SGCD: variants seen among roughly 807,000 people sequenced by gnomAD.
The protein encoded by SGCD is sarcoglycan delta, also known as delta-sarcoglycan.
Under a neutral mutation model 36.6 loss-of-function variants are expected in SGCD, and 18 were observed. The ratio of observed to expected loss-of-function variants is 0.49; its 90% CI spans 0.34 to 0.73. The LOEUF (loss-of-function observed/expected upper bound fraction) is 0.73. Among genes scored for constraint, SGCD ranks in the 30% least tolerant of loss-of-function variants. SGCD has a pLI of 0.01. For missense variants in SGCD, 387 were observed against 346.7 expected (o/e 1.12, Z -0.92); for synonymous variants, 133 against 130.6 (o/e 1.02, Z -0.12).
intron 1 of SGCD, among the ~76,000 whole-genome samples, chr5:156,068,810 C>T (rs1214768196): frequency 2.0e-5 from 3 of 151,892 alleles, no homozygotes; most frequent in South Asian, 2.1e-4. Context: ...TTAATGATTG[C>T]CATTCTAACT....
chr5:156,159,482 A>C (rs1484880620), intron 3 of SGCD, among the ~76,000 whole-genome samples: 1 of 151,622 alleles, frequency 6.6e-6, no homozygotes, highest in African/African-American at 2.4e-5. Context: ...CATAAAAAAA[A>C]CAAAACAAAA....
At chr5:156,614,940 A>G (rs1340878996) in intron 6 of SGCD, among the ~76,000 whole-genome samples, 1 of 152,156 alleles carries the variant, frequency 6.6e-6, no homozygotes, top group Non-Finnish European at 1.5e-5. Flanking sequence ...CTTTTTTCAC[A>G]TGAACGAAAA....
At chr5:156,588,011 G>A (rs886792400) in intron 4 of SGCD, among the ~76,000 whole-genome samples, 2 of 151,436 alleles carry the variant, frequency 1.3e-5, no homozygotes, top group African/African-American at 4.9e-5. Context: ...AAAGCATTGA[G>A]CTATTATTGA....
At chr5:156,060,164 T>A (rs1378564443) in intron 1 of SGCD, among the ~76,000 whole-genome samples, 1 of 146,706 alleles carries the variant, frequency 6.8e-6, no homozygotes, top group African/African-American at 2.5e-5. Flanking sequence ...AATTGCCTAC[T>A]TCATTAACAT....
At chr5:156,560,598 G>A (rs1759227667) in intron 4 of SGCD, among the ~76,000 whole-genome samples, 1 of 152,134 alleles carries the variant, frequency 6.6e-6, no homozygotes, top group African/African-American at 2.4e-5. Flanking sequence ...AGATTCAGAT[G>A]GAATTTACAA....
intron 3 of SGCD, among the ~76,000 whole-genome samples, chr5:156,244,477 T>G (rs1765391798): frequency 6.6e-6 from 1 of 152,194 alleles, no homozygotes; most frequent in South Asian, 2.1e-4. Flanking sequence ...AACAGAATGT[T>G]CTATAGGAAA....
chr5:156,394,674 CGTAA>C (rs1203672068), intron 3 of SGCD, among the ~76,000 whole-genome samples: 12 of 152,112 alleles, frequency 7.9e-5, no homozygotes, highest in East Asian at 1.9e-4. Context: ...TTTTCTTTGA[CGTAA>C]GTGTCTGCTT....
At chr5:156,571,704 T>G (rs931948879) in intron 4 of SGCD, among the ~76,000 whole-genome samples, 9 of 152,246 alleles carry the variant, frequency 5.9e-5, no homozygotes, top group Admixed American at 4.6e-4. Flanking sequence ...AGTTAGTATT[T>G]CTGCTTCTGG....
intron 1 of SGCD, among the ~76,000 whole-genome samples, chr5:156,069,604 C>T (rs200118030): frequency 5.9e-5 from 9 of 152,080 alleles, no homozygotes; most frequent in South Asian, 2.1e-4. Flanking sequence ...CTTGGCAATG[C>T]GGGCTCTTTT....
chr5:156,055,744 A>T lies in SGCD; in HGVS notation c.-281-62134A>T, dbSNP rs893285459. ...GAGGCAGTCAGTAAATATTTGTAGGACTTAAATTAGGCATGCATCTCTTCT... is the reference window on the plus strand; with the variant it reads ...GAGGCAGTCAGTAAATATTTGTAGGTCTTAAATTAGGCATGCATCTCTTCT... On this transcript the variant is annotated intron_variant, in intron 1 of 9. Transcript: ENST00000517913. Among the ~76,000 whole-genome samples, 7 of 146,290 alleles carry T rather than the reference A, an allele frequency of 4.8e-5. 2 individuals are homozygous for T. The highest frequency in any genetic ancestry group is 3.4e-3 in the Middle Eastern group (1 of 296).
intron 1 of SGCD, among the ~76,000 whole-genome samples, chr5:155,968,762 A>G (rs139971578): frequency 1.3e-5 from 2 of 152,172 alleles, no homozygotes; most frequent in Non-Finnish European, 2.9e-5. Context: ...GAACAGACGA[A>G]TTGTACATTT....
intron 1 of SGCD, among the ~76,000 whole-genome samples, chr5:155,957,366 T>C (rs1185849279): frequency 6.6e-6 from 1 of 152,074 alleles, no homozygotes; most frequent in African/African-American, 2.4e-5. Flanking sequence ...ACTCTCTCCT[T>C]AGTGGCAGCC....
intron 1 of SGCD, among the ~76,000 whole-genome samples, chr5:155,883,017 C>T (rs1372644746): frequency 6.6e-6 from 1 of 152,202 alleles, no homozygotes; most frequent in African/African-American, 2.4e-5. Context: ...GCTGTAACTT[C>T]TGCTTACGTT....
chr5:156,728,570 A>G (rs529791907), intron 7 of SGCD, among the ~76,000 whole-genome samples: 10 of 150,728 alleles, frequency 6.6e-5, no homozygotes, highest in African/African-American at 2.4e-4. Context: ...GAACTGATAG[A>G]AGCTTGATTC....
chr5:155,900,322 G>A (rs924046875), intron 1 of SGCD, among the ~76,000 whole-genome samples: 3 of 152,028 alleles, frequency 2.0e-5, no homozygotes, highest in Non-Finnish European at 4.4e-5. Flanking sequence ...ATAGAGTACA[G>A]AGAAAGCTTA....
chr5:156,274,622 C>G (rs1766269360), intron 3 of SGCD, among the ~76,000 whole-genome samples: 1 of 152,112 alleles, frequency 6.6e-6, no homozygotes, highest in South Asian at 2.1e-4. Context: ...TAACAAATGA[C>G]TAAACTCTTA....
chr5:155,973,747 T>C (rs1002009168), intron 1 of SGCD, among the ~76,000 whole-genome samples: 1 of 152,212 alleles, frequency 6.6e-6, no homozygotes, highest in African/African-American at 2.4e-5. Context: ...AATAATTAAA[T>C]GAGAAGAGTT....
the SGCD span, among the ~76,000 whole-genome samples, chr5:155,855,794 C>G: frequency 6.6e-6 from 1 of 152,072 alleles, no homozygotes; most frequent in Non-Finnish European, 1.5e-5. Flanking sequence ...GGGGATGGAA[C>G]TGGGAGTTCA....
chr5:155,766,564 C>A, the SGCD span, among the ~76,000 whole-genome samples: 8 of 152,020 alleles, frequency 5.3e-5, no homozygotes, highest in African/African-American at 1.7e-4. Flanking sequence ...ATCTGGGGTA[C>A]CCTTCTGCAA....
Sources: gnomAD v4.1 joint callset for allele counts (sites outside exome capture counted in the v4.1 genomes callset) on GRCh38, gnomAD v4.1.1 for gene constraint, MANE v1.5 for transcripts, NCBI Gene and HGNC (gene_info 2026-07-23, HGNC 2026-07-21) for gene names.